GLIS1: variants seen among roughly 807,000 people sequenced by gnomAD.
GLIS1 encodes zinc finger protein GLIS1.
Under a neutral mutation model 63.8 loss-of-function variants are expected in GLIS1, and 24 were observed. That is an observed-to-expected ratio of 0.38 (90% CI 0.27 to 0.53). The LOEUF (loss-of-function observed/expected upper bound fraction) is 0.53, where lower values mean the gene tolerates loss of function less well. Among genes scored for constraint, GLIS1 ranks in the 20% least tolerant of loss-of-function variants. The probability of loss-of-function intolerance (pLI) is 0.85; values close to 1 mark genes in which losing one functional copy is unlikely to be tolerated. For synonymous variants in GLIS1, 450 were observed against 482.5 expected (o/e 0.93, Z 0.88); for missense variants, 1,036 against 1,074.1 (o/e 0.96, Z 0.50).
At chr1:53,553,531 T>G (rs941245109) in intron 4 of GLIS1, among the ~76,000 whole-genome samples, 1 of 152,208 alleles carries the variant, frequency 6.6e-6, no homozygotes, top group African/African-American at 2.4e-5. Flanking sequence ...ACAGCTCACC[T>G]GCCGGTGGGT....
At chr1:53,529,735 T>C (rs1644509251) in intron 5 of GLIS1, 56 bp downstream of exon 5, 1 of 1,546,618 alleles carries the variant, frequency 6.5e-7, no homozygotes. Context: ...ACTGAATGAG[T>C]GGCAGGTGTG....
At chr1:53,703,218 C>A (rs138851620) in intron 2 of GLIS1, among the ~76,000 whole-genome samples, 1 of 152,338 alleles carries the variant, frequency 6.6e-6, no homozygotes, top group Admixed American at 6.5e-5. Flanking sequence ...ATTTTCACCA[C>A]CACTCTACAA....
chr1:53,529,480 C>G (rs998007548), intron 5 of GLIS1, among the ~76,000 whole-genome samples: 2 of 152,218 alleles, frequency 1.3e-5, no homozygotes, highest in Non-Finnish European at 2.9e-5. Flanking sequence ...CTGGTACCCA[C>G]AGGCCAAAGC....
intron 7 of GLIS1, among the ~76,000 whole-genome samples, chr1:53,515,902 C>T (rs1644347948): frequency 6.6e-6 from 1 of 152,010 alleles, no homozygotes; most frequent in African/African-American, 2.4e-5. Flanking sequence ...CAGGCCTCCT[C>T]CAGCCTCGCT....
chr1:53,694,296 A>G (rs1039508554), intron 2 of GLIS1, among the ~76,000 whole-genome samples: 6 of 152,318 alleles, frequency 3.9e-5, no homozygotes, highest in Non-Finnish European at 8.8e-5. Flanking sequence ...TCAGCAAAGC[A>G]CACAGCACAC....
chr1:53,558,945 T>C (rs1644859549), intron 4 of GLIS1, among the ~76,000 whole-genome samples: 2 of 152,198 alleles, frequency 1.3e-5, no homozygotes, highest in South Asian at 2.1e-4. Context: ...CTCTAGATGC[T>C]GAAGGTTAAA....
intron 2 of GLIS1, among the ~76,000 whole-genome samples, chr1:53,637,101 G>A (rs1186716347): frequency 6.6e-6 from 1 of 152,166 alleles, no homozygotes; most frequent in Non-Finnish European, 1.5e-5. Flanking sequence ...TCTTCCCTAG[G>A]AGACCACTTC....
intron 2 of GLIS1, among the ~76,000 whole-genome samples, chr1:53,669,248 C>T (rs545033406): frequency 4.6e-5 from 7 of 152,268 alleles, no homozygotes; most frequent in East Asian, 1.9e-4. Flanking sequence ...GACCTGGACA[C>T]GGAGATGTGC....
intron 2 of GLIS1, among the ~76,000 whole-genome samples, chr1:53,736,762 C>T (rs1473811360): frequency 1.3e-5 from 2 of 152,222 alleles, no homozygotes; most frequent in African/African-American, 4.8e-5. Context: ...TTACTAATCC[C>T]TGAACCAGGG....
rs1360242885 is a variant in GLIS1, at chr1:53,539,687, A to G, written c.1321-9735T>C. Among the ~76,000 whole-genome samples, 4 of 151,822 alleles carry G rather than the reference A, an allele frequency of 2.6e-5. No homozygotes were observed. Among genetic ancestry groups the G allele is most frequent in the Non-Finnish European group, 2.9e-5 (2 of 67,958 alleles). ...AAGCCCCAGACCTGCCACATTCACA[A>G]ACACACTAACCCCCACCCACCAGCC... On this transcript the variant is annotated intron_variant, in intron 4 of 10. Coordinates refer to ENST00000628545, the MANE Select transcript of GLIS1 (RefSeq NM_001367484.1). This position sits in a 1 kb window ranked among gnomAD's most constrained non-coding sequence, Gnocchi z 5.0.
Position 53,550,591 on chromosome 1 carries a change from A to G in GLIS1, c.1321-20639T>C, listed in dbSNP as rs142823564. ...CTATGAGTGGCGGAAGATAAGTCCCACAGTCGGGGAAAAGCTGAGTGAACA... is the reference window on the plus strand; with the variant it reads ...CTATGAGTGGCGGAAGATAAGTCCCGCAGTCGGGGAAAAGCTGAGTGAACA... On this transcript the variant is annotated intron_variant, in intron 4 of 10. Transcript: ENST00000628545. Among the ~76,000 whole-genome samples the G allele has an allele frequency of 6.5e-3, 987 of 152,328 alleles. 6 individuals carry two copies. The highest frequency in any genetic ancestry group is 0.023 in the African/African-American group (936 of 41,568).
chr1:53,691,113 T>C (rs1646400493), intron 2 of GLIS1, among the ~76,000 whole-genome samples: 1 of 152,206 alleles, frequency 6.6e-6, no homozygotes, highest in South Asian at 2.1e-4. Flanking sequence ...CCCAACACTT[T>C]GGGAGGCTGA....
At chr1:53,722,355 G>A (rs1042593318) in intron 2 of GLIS1, among the ~76,000 whole-genome samples, 1 of 152,146 alleles carries the variant, frequency 6.6e-6, no homozygotes, top group African/African-American at 2.4e-5. Context: ...GGGGAAAGCT[G>A]AAAATTCTGA....
rs149654902 is a variant in GLIS1, at chr1:53,594,658, G to A, written c.770C>T (p.Ala257Val). 1.5e-4 allele frequency: 235 copies of A among 1,556,782 alleles called. 1 individual carries two copies. The highest frequency in any genetic ancestry group is 1.9e-4 in the Non-Finnish European group (221 of 1,148,426). ...PTSPASSSPCASSDVTSIIRS... is the reference protein window; with the variant it reads ...PTSPASSSPCVSSDVTSIIRS... ...GATGATGGAGGTGACGTCGGAGGAG[G>A]CACAGGGTGAGGAGGAGGCTGGGGA... Residue 257 changes from alanine (A) to valine (V), a missense_variant, in exon 4 of 11, where the codon GCC (alanine) becomes GTC (valine). Physicochemically the swap from Ala to Val is moderately conservative, Grantham distance 64. This residue lies in a region of GLIS1 where 592 missense variants were observed against 593.9 expected (regional missense o/e 1.00). Transcript: ENST00000628545.
rs909151787 is a variant in GLIS1, at chr1:53,526,144, T to C, written c.1483-1257A>G. Among the ~76,000 whole-genome samples, 5 of 152,084 alleles carry C rather than the reference T, an allele frequency of 3.3e-5. No homozygotes were observed. The highest frequency in any genetic ancestry group is 1.9e-4 in the East Asian group (1 of 5,154). ...GGGACTGCAGGGGACAGGAGAAGGATTGGAGGAAATGACACCTCTCAGAGT... is the reference window on the plus strand; with the variant it reads ...GGGACTGCAGGGGACAGGAGAAGGACTGGAGGAAATGACACCTCTCAGAGT... On this transcript the variant is annotated intron_variant, in intron 5 of 10. Coordinates refer to ENST00000628545, the MANE Select transcript of GLIS1 (RefSeq NM_001367484.1). This position sits in a 1 kb window ranked among gnomAD's most constrained non-coding sequence, Gnocchi z 4.4.
intron 2 of GLIS1, among the ~76,000 whole-genome samples, chr1:53,605,719 C>T (rs181376509): frequency 1.8e-3 from 277 of 152,302 alleles, no homozygotes; most frequent in Non-Finnish European, 3.1e-3. Flanking sequence ...ACTTGCTTCA[C>T]ATATTGAAGG....
At chr1:53,652,757 G>A (rs1019770684) in intron 2 of GLIS1, among the ~76,000 whole-genome samples, 2 of 152,134 alleles carry the variant, frequency 1.3e-5, no homozygotes, top group Non-Finnish European at 2.9e-5. Flanking sequence ...CAAGATCCAA[G>A]GTGACATAGA....
At chr1:53,619,757 C>G (rs1021047304) in intron 2 of GLIS1, among the ~76,000 whole-genome samples, 1 of 152,234 alleles carries the variant, frequency 6.6e-6, no homozygotes, top group African/African-American at 2.4e-5. Context: ...TGAGAAGCAT[C>G]CCTCAGCCAT....
chr1:53,622,533 G>A (rs1645556940), intron 2 of GLIS1, among the ~76,000 whole-genome samples: 1 of 152,018 alleles, frequency 6.6e-6, no homozygotes, highest in Admixed American at 6.5e-5. Context: ...GGTATTGGCA[G>A]ATGCAATGAA....
Sources: gnomAD v4.1 joint callset for allele counts (sites outside exome capture counted in the v4.1 genomes callset) on GRCh38, gnomAD v4.1.1 for gene constraint, gnomAD v4.1.1 regional missense constraint, Gnocchi (gnomAD v3.1) non-coding constraint, MANE v1.5 for transcripts, NCBI Gene and HGNC (gene_info 2026-07-23, HGNC 2026-07-21) for gene names.